The following VRK2 variants were observed in gnomAD, a reference collection of about 807,000 sequenced individuals.
The protein encoded by VRK2 is VRK serine/threonine kinase 2, also known as serine/threonine-protein kinase VRK2.
A neutral mutation model predicts 57.6 loss-of-function variants in VRK2; 60 were observed. That is an observed-to-expected ratio of 1.04 (90% CI 0.85 to 1.29). VRK2 has a LOEUF of 1.29. VRK2 is among the 50% of genes most tolerant of loss of function. The pLI is 0.00. For missense variants in VRK2, 705 were observed against 588.1 expected, an observed-to-expected ratio of 1.20 and a Z score of -2.06; for synonymous variants, 231 against 199.2, an observed-to-expected ratio of 1.16 and a Z score of -1.35.
chr2:58,034,776 T>TA lies in VRK2; in HGVS notation c.-6+1229dup, dbSNP rs1385326925. ...GACACCAGGTTCCAGAGGTTTTTTT[T>TA]AAAAAACAAAAAACAAAAAAAAAAA... is the stretch of plus-strand genomic sequence containing the variant. On this transcript the variant is annotated intron_variant, in intron 3 of 15. Transcript: ENST00000417641. Among the ~76,000 whole-genome samples the TA allele has an allele frequency of 1.0e-4, 15 of 150,496 alleles. 1 individual carries two copies. The highest frequency in any genetic ancestry group is 3.3e-4 in the Admixed American group (5 of 15,084).
chr2:57,944,118 G>A (rs1029582657), intron 1 of VRK2, among the ~76,000 whole-genome samples: 10 of 152,198 alleles, frequency 6.6e-5, no homozygotes, highest in Non-Finnish European at 1.3e-4. Flanking sequence ...CAAAATCAAT[G>A]TTATAAGGGT....
At chr2:57,911,485 C>T (rs1669984341) in intron 1 of VRK2, among the ~76,000 whole-genome samples, 1 of 152,138 alleles carries the variant, frequency 6.6e-6, no homozygotes, top group African/African-American at 2.4e-5. Context: ...CCAACCCACA[C>T]CCATTGTAAG....
At chr2:57,967,152 C>A (rs931204091) in intron 1 of VRK2, among the ~76,000 whole-genome samples, 5 of 152,114 alleles carry the variant, frequency 3.3e-5, no homozygotes, top group African/African-American at 1.2e-4. Context: ...CATGTTCTCA[C>A]TCCTAAGCGG....
chr2:58,074,209 C>T (rs1455436795), intron 2 of VRK2, among the ~76,000 whole-genome samples: 1 of 152,040 alleles, frequency 6.6e-6, no homozygotes, highest in Non-Finnish European at 1.5e-5. Flanking sequence ...CTATAGACAT[C>T]ATATAGTTGT....
At chr2:57,964,206 T>A (rs1401473984) in intron 1 of VRK2, among the ~76,000 whole-genome samples, 1 of 152,270 alleles carries the variant, frequency 6.6e-6, no homozygotes, top group African/African-American at 2.4e-5. Context: ...ACATAAGCAG[T>A]CAACTAAAAT....
At chr2:57,988,114 A>G (rs1191683219) in intron 1 of VRK2, among the ~76,000 whole-genome samples, 1 of 152,146 alleles carries the variant, frequency 6.6e-6, no homozygotes, top group Non-Finnish European at 1.5e-5. Context: ...TCTTTGCCAA[A>G]TCTTGCAGGA....
intron 2 of VRK2, among the ~76,000 whole-genome samples, chr2:58,050,309 G>T (rs867166696): frequency 2.0e-5 from 3 of 152,296 alleles, no homozygotes; most frequent in East Asian, 3.9e-4. Context: ...CAAGAGCCCA[G>T]TTAGCCCATG....
intron 1 of VRK2, among the ~76,000 whole-genome samples, chr2:57,913,007 T>C (rs1670037009): frequency 1.3e-5 from 2 of 152,188 alleles, no homozygotes; most frequent in South Asian, 2.1e-4. Context: ...AACCAGGAAG[T>C]GGGCCTCCTC....
intron 7 of VRK2, among the ~76,000 whole-genome samples, chr2:58,092,332 A>G (rs1479549460): frequency 3.3e-5 from 5 of 152,156 alleles, no homozygotes; most frequent in Non-Finnish European, 7.4e-5. Flanking sequence ...TTTGAGATTT[A>G]TCTTTGTAGG....
At chr2:57,996,243 G>A (rs1331935686) in intron 1 of VRK2, among the ~76,000 whole-genome samples, 3 of 152,172 alleles carry the variant, frequency 2.0e-5, no homozygotes, top group African/African-American at 4.8e-5. Context: ...ACCGAGGGAT[G>A]ACTATAATGC....
chr2:57,944,693 G>A (rs1397499259), intron 1 of VRK2, among the ~76,000 whole-genome samples: 1 of 151,392 alleles, frequency 6.6e-6, no homozygotes, highest in African/African-American at 2.4e-5. Flanking sequence ...CCGAGATCGT[G>A]CCACTGCACT....
At chr2:57,984,476 T>C (rs888589373) in intron 1 of VRK2, among the ~76,000 whole-genome samples, 2 of 152,128 alleles carry the variant, frequency 1.3e-5, no homozygotes, top group African/African-American at 4.8e-5. Context: ...AGAAAAACCA[T>C]ATAATTGTAT....
intron 1 of VRK2, among the ~76,000 whole-genome samples, chr2:57,927,864 C>A (rs1670590963): frequency 2.6e-5 from 4 of 152,128 alleles, no homozygotes; most frequent in Admixed American, 2.6e-4. Flanking sequence ...ATACATCATG[C>A]CAGTGTTTCC....
intron 9 of VRK2, among the ~76,000 whole-genome samples, chr2:58,133,784 G>T (rs1408708545): frequency 6.6e-6 from 1 of 152,108 alleles, no homozygotes; most frequent in African/African-American, 2.4e-5. Context: ...CCACAAACCT[G>T]TTTAATCATG....
intron 7 of VRK2, among the ~76,000 whole-genome samples, chr2:58,098,935 T>A (rs1276213206): frequency 2.0e-5 from 3 of 152,108 alleles, no homozygotes; most frequent in Non-Finnish European, 4.4e-5. Flanking sequence ...TAGGTAGATA[T>A]TATCCTCTTG....
At chr2:57,982,173 G>A (rs1371753854) in intron 1 of VRK2, among the ~76,000 whole-genome samples, 3 of 152,142 alleles carry the variant, frequency 2.0e-5, no homozygotes, top group African/African-American at 7.2e-5. Context: ...CAGCACTCCT[G>A]GGCTATGTGC....
chr2:58,081,105 C>G (rs1468714355), intron 2 of VRK2, among the ~76,000 whole-genome samples: 1 of 151,978 alleles, frequency 6.6e-6, no homozygotes, highest in African/African-American at 2.4e-5. Context: ...ATATCAAATT[C>G]ATGGCCTGCT....
At chr2:57,911,670 A>C (rs955119814) in intron 1 of VRK2, among the ~76,000 whole-genome samples, 2 of 152,246 alleles carry the variant, frequency 1.3e-5, no homozygotes, top group Non-Finnish European at 2.9e-5. Context: ...ATTCATGTGC[A>C]TCAATGGAGC....
intron 1 of VRK2, among the ~76,000 whole-genome samples, chr2:57,949,333 A>C (rs1449344784): frequency 6.6e-6 from 1 of 152,124 alleles, no homozygotes; most frequent in African/African-American, 2.4e-5. Context: ...GCATCGAGTA[A>C]GTCTATCAGG....
Sources: gnomAD v4.1 joint callset for allele counts (sites outside exome capture counted in the v4.1 genomes callset) on GRCh38, gnomAD v4.1.1 for gene constraint, MANE v1.5 for transcripts, NCBI Gene and HGNC (gene_info 2026-07-23, HGNC 2026-07-21) for gene names.